CMIP: variants seen among roughly 807,000 people sequenced by gnomAD.
CMIP encodes the protein C-Maf-inducing protein.
In CMIP, 13 loss-of-function variants were observed where a neutral mutation model predicts 97.3. That is an observed-to-expected ratio of 0.13 (90% CI 0.09 to 0.21). The LOEUF (loss-of-function observed/expected upper bound fraction) is 0.21. Ranked by LOEUF, CMIP falls within the 10% of genes least tolerant of loss-of-function variation. CMIP has a pLI of 1.00. For missense variants in CMIP, 847 were observed against 1,024.9 expected, an observed-to-expected ratio of 0.83 and a Z score of 2.37; for synonymous variants, 538 against 436.3, an observed-to-expected ratio of 1.23 and a Z score of -2.91.
chr16:81,460,027 G>A (rs1906808505), intron 1 of CMIP, among the ~76,000 whole-genome samples: 1 of 152,174 alleles, frequency 6.6e-6, no homozygotes, highest in Non-Finnish European at 1.5e-5. Flanking sequence ...CCTTCCTGTT[G>A]TGTGAGGGCT....
chr16:81,503,269 G>A (rs2089645689), intron 1 of CMIP, among the ~76,000 whole-genome samples: 1 of 152,164 alleles, frequency 6.6e-6, no homozygotes, highest in South Asian at 2.1e-4. Flanking sequence ...CATCATCTGT[G>A]GCTCTGCTGT....
intron 1 of CMIP, among the ~76,000 whole-genome samples, chr16:81,578,092 C>T (rs1242631299): frequency 6.6e-6 from 1 of 152,074 alleles, no homozygotes; most frequent in East Asian, 1.9e-4. Context: ...TCACCACCAT[C>T]ATCCCAATTA....
At chr16:81,538,641 G>C (rs1341336380) in intron 1 of CMIP, among the ~76,000 whole-genome samples, 2 of 152,108 alleles carry the variant, frequency 1.3e-5, no homozygotes, top group African/African-American at 4.8e-5. Flanking sequence ...AGTAATTTTG[G>C]GGTGGTGATC....
At chr16:81,624,923 G>A (rs1037037543) in intron 3 of CMIP, among the ~76,000 whole-genome samples, 2 of 152,196 alleles carry the variant, frequency 1.3e-5, no homozygotes, top group Admixed American at 6.5e-5. Context: ...GTTCACACAC[G>A]GTTGTAGCTC....
At chr16:81,512,319 T>C (rs2927303) in intron 1 of CMIP, among the ~76,000 whole-genome samples, 2,756 of 152,254 alleles carry the variant, frequency 0.018, 88 homozygotes, top group African/African-American at 0.063. Context: ...CTTGCTGTGG[T>C]TGATGGGCAG....
intron 1 of CMIP, among the ~76,000 whole-genome samples, chr16:81,597,593 C>A (rs74563678): frequency 3.7e-5 from 2 of 54,164 alleles, no homozygotes; most frequent in African/African-American, 1.1e-4. Context: ...GCGAGGGGAG[C>A]GGGGGGGGGG....
At chr16:81,458,845 A>C (rs918551735) in intron 1 of CMIP, among the ~76,000 whole-genome samples, 1 of 152,204 alleles carries the variant, frequency 6.6e-6, no homozygotes, top group Non-Finnish European at 1.5e-5. Context: ...TAAAGGGGAG[A>C]ATACATGGAA....
chr16:81,568,750 T>C (rs531224838), intron 1 of CMIP, among the ~76,000 whole-genome samples: 4 of 152,302 alleles, frequency 2.6e-5, no homozygotes, highest in East Asian at 1.9e-4. Flanking sequence ...GTTGGCTCCA[T>C]AACAAAGTGA....
intron 1 of CMIP, among the ~76,000 whole-genome samples, chr16:81,548,530 C>T (rs992103970): frequency 2.6e-5 from 4 of 152,062 alleles, no homozygotes; most frequent in Admixed American, 6.6e-5. Context: ...ACCCTTCCAC[C>T]CCAGTTGTGA....
Position 81,444,981 on chromosome 16 carries a change from C to G in CMIP, c.-261C>G, listed in dbSNP as rs1021175699. The stretch of plus-strand genomic sequence containing the variant: ...GCCCCTCCCCGTCGCCCGCCGAGCC[C>G]GGTCAGCCGCCGCGAGCATGCACCC... On this transcript the variant is annotated 5_prime_UTR_variant, in exon 1 of 21. Transcript: ENST00000537098. Among the ~76,000 whole-genome samples, 36 of 142,820 alleles carry G rather than the reference C, an allele frequency of 2.5e-4. No individual in the cohort carries two copies. The highest frequency in any genetic ancestry group is 1.8e-3 in the Admixed American group (26 of 14,576). The allele number at this position is 142,820 out of a possible 152,430, so 93.7% of individuals were successfully genotyped here.
rs191662199 is a variant in CMIP, at chr16:81,521,172, G to A, written c.300+75631G>A. On this transcript the variant is annotated intron_variant, in intron 1 of 20. Coordinates refer to ENST00000537098, the MANE Select transcript of CMIP (RefSeq NM_198390.3). ...GGAAGGCTTTTCTTTGTCACTGCCC[G>A]GTCGCCGTGACTGTGGACCATGGGA... Among the ~76,000 whole-genome samples, 563 of 152,302 alleles carry A rather than the reference G, an allele frequency of 3.7e-3. 1 individual carries two copies. Among genetic ancestry groups the A allele is most frequent in the Non-Finnish European group, 6.2e-3 (424 of 68,024 alleles).
intron 1 of CMIP, among the ~76,000 whole-genome samples, chr16:81,478,538 C>G (rs1163016677): frequency 6.6e-6 from 1 of 152,090 alleles, no homozygotes; most frequent in Non-Finnish European, 1.5e-5. Context: ...TCATGGAATT[C>G]CATTGAGGAA....
At position 81,657,755 on chromosome 16, in the gene CMIP, G is replaced by T. The variant is rs142472254; in HGVS notation, c.640-20G>T. The stretch of plus-strand genomic sequence containing the variant: ...TCTTTTGTTTTGTTTTCCTCCTGCT[G>T]TCTCCATTCAATCCTTTAGAACACA... On this transcript the variant is annotated intron_variant, in intron 4 of 20. Transcript: ENST00000537098. 9 of 1,589,350 alleles carry T rather than the reference G, an allele frequency of 5.7e-6. No homozygotes were observed. Among genetic ancestry groups the T allele is most frequent in the Non-Finnish European group, 7.7e-6 (9 of 1,168,200 alleles).
rs1907692554 is a variant in CMIP, at chr16:81,703,721, G to A, written c.1945-218G>A. 1.2e-5 allele frequency: 7 copies of A among 592,532 alleles called. No individual in the cohort carries two copies. The South Asian group carries it at 1.3e-4, about 11-fold the overall frequency. The allele number at this position is 592,532 out of a possible 1,614,324, so 36.7% of individuals were successfully genotyped here. ...TGGAGGCTTTCTCCTCCGCCTGGCA[G>A]CTGTCGTCCATGGGATGCGTGGCAG... On this transcript the variant is annotated intron_variant, in intron 17 of 20. Coordinates refer to ENST00000537098, the MANE Select transcript of CMIP (RefSeq NM_198390.3).
At chr16:81,670,493 C>T (rs1347961546) in intron 8 of CMIP, among the ~76,000 whole-genome samples, 2 of 152,106 alleles carry the variant, frequency 1.3e-5, no homozygotes, top group African/African-American at 4.8e-5. Flanking sequence ...CTGTCCCACC[C>T]CTGGTGGTCC....
At chr16:81,635,646 A>T (rs1253553379) in intron 3 of CMIP, among the ~76,000 whole-genome samples, 1 of 152,222 alleles carries the variant, frequency 6.6e-6, no homozygotes. Context: ...AGACAAATAT[A>T]TATTTGTATT....
intron 1 of CMIP, among the ~76,000 whole-genome samples, chr16:81,525,675 A>G (rs945271324): frequency 6.6e-6 from 1 of 152,146 alleles, no homozygotes; most frequent in Non-Finnish European, 1.5e-5. Flanking sequence ...CGTTGAGTAC[A>G]TTCATATTGT....
At position 81,702,913 on chromosome 16, in the gene CMIP, T is replaced by A. The variant is rs144110713; in HGVS notation, c.1944+244T>A. Among the ~76,000 whole-genome samples the A allele has an allele frequency of 1.1e-3, 162 of 152,300 alleles. 3 individuals carry two copies. Among genetic ancestry groups the A allele is most frequent in the Non-Finnish European group, 4.1e-4 (28 of 68,016 alleles). ...TGGTGATAATAGTGTTGATATCTAG[T>A]TATTAATAGTACTTGGAATAATAGC... On this transcript the variant is annotated intron_variant, in intron 17 of 20. Coordinates refer to ENST00000537098, the MANE Select transcript of CMIP (RefSeq NM_198390.3).
chr16:81,699,838 G>A (rs1357187498), intron 15 of CMIP, 37 bp downstream of exon 15: 1 of 1,405,942 alleles, frequency 7.1e-7, no homozygotes. Flanking sequence ...GGGGTGGCTG[G>A]CTCCCCGTCC....
Sources: gnomAD v4.1 joint callset for allele counts (sites outside exome capture counted in the v4.1 genomes callset) on GRCh38, gnomAD v4.1.1 for gene constraint, MANE v1.5 for transcripts, NCBI Gene and HGNC (gene_info 2026-07-23, HGNC 2026-07-21) for gene names.